Variants in PCDH15 observed in about 807,000 individuals in gnomAD.
PCDH15 encodes protocadherin related 15.
In PCDH15, 129 loss-of-function variants were observed where a neutral mutation model predicts 178.5. The ratio of observed to expected loss-of-function variants is 0.72; its 90% CI spans 0.63 to 0.84. The LOEUF (loss-of-function observed/expected upper bound fraction) is 0.84. Among genes scored for constraint, PCDH15 ranks in the 40% least tolerant of loss-of-function variants. PCDH15 has a pLI of 0.00. For missense variants in PCDH15, 2,230 were observed against 2,099.9 expected, an observed-to-expected ratio of 1.06 and a Z score of -1.21; for synonymous variants, 800 against 732.0, an observed-to-expected ratio of 1.09 and a Z score of -1.50.
intron 2 of PCDH15, among the ~76,000 whole-genome samples, chr10:54,984,097 G>A (rs568921114): frequency 6.6e-6 from 1 of 152,188 alleles, no homozygotes; most frequent in East Asian, 1.9e-4. Context: ...TGAAGGGACT[G>A]TCAGGGCTCA....
At chr10:54,036,772 T>C (rs1393420647) in intron 18 of PCDH15, among the ~76,000 whole-genome samples, 1 of 151,930 alleles carries the variant, frequency 6.6e-6, no homozygotes, top group Non-Finnish European at 1.5e-5. Flanking sequence ...ATAAATTTCA[T>C]AAGATTATAG....
At chr10:55,427,639 TGTGTTTACAAATGG>T (rs1838789120) in intron 2 of PCDH15, among the ~76,000 whole-genome samples, 1 of 152,178 alleles carries the variant, frequency 6.6e-6, no homozygotes, top group East Asian at 1.9e-4. Context: ...TGGTGGAAAA[TGTGTTTACAAATGG>T]GTTCATATAC....
At chr10:54,165,225 C>G (rs921861830) in intron 13 of PCDH15, among the ~76,000 whole-genome samples, 2 of 152,070 alleles carry the variant, frequency 1.3e-5, no homozygotes, top group African/African-American at 4.8e-5. Context: ...TCCCCCTTCT[C>G]TTACGCATAT....
At chr10:53,969,896 T>G (rs572498259) in intron 21 of PCDH15, among the ~76,000 whole-genome samples, 3 of 152,252 alleles carry the variant, frequency 2.0e-5, no homozygotes, top group Admixed American at 2.0e-4. Context: ...TACCAGCCAC[T>G]GCAAAAACAT....
At chr10:54,816,452 G>C (rs1391684026) in intron 3 of PCDH15, among the ~76,000 whole-genome samples, 4 of 152,020 alleles carry the variant, frequency 2.6e-5, no homozygotes, top group Admixed American at 2.0e-4. Flanking sequence ...CTATTTCATA[G>C]CACAAGAAAG....
At chr10:54,189,871 T>A (rs2133859099) in intron 11 of PCDH15, among the ~76,000 whole-genome samples, 1 of 151,762 alleles carries the variant, frequency 6.6e-6, no homozygotes, top group South Asian at 2.1e-4. Flanking sequence ...ACAAGTACTC[T>A]AAAAGGCATA....
intron 18 of PCDH15, among the ~76,000 whole-genome samples, chr10:54,024,787 G>A (rs2093032367): frequency 6.6e-6 from 1 of 151,954 alleles, no homozygotes; most frequent in African/African-American, 2.4e-5. Flanking sequence ...ACGAATTATT[G>A]ACAAATCAGT....
chr10:54,267,128 G>A (rs2384433), intron 8 of PCDH15, among the ~76,000 whole-genome samples: 106,716 of 151,608 alleles, frequency 0.7, 38,443 homozygotes, highest in Middle Eastern at 0.77. Context: ...TTCAATATAT[G>A]CAAATCAATT....
At chr10:54,047,936 A>G (rs1301786283) in intron 18 of PCDH15, among the ~76,000 whole-genome samples, 2 of 152,158 alleles carry the variant, frequency 1.3e-5, no homozygotes, top group African/African-American at 4.8e-5. Flanking sequence ...ATACCCAGCT[A>G]TAAGAATGTT....
intron 2 of PCDH15, among the ~76,000 whole-genome samples, chr10:55,614,719 T>A (rs1433535715): frequency 2.0e-5 from 3 of 152,164 alleles, no homozygotes; most frequent in African/African-American, 4.8e-5. Flanking sequence ...TTGGGTATGA[T>A]CAACTTCAAA....
At chr10:55,227,164 T>C (rs1323704491) in intron 1 of PCDH15, among the ~76,000 whole-genome samples, 1 of 151,896 alleles carries the variant, frequency 6.6e-6, no homozygotes, top group Non-Finnish European at 1.5e-5. Context: ...AGAGCAGACA[T>C]TAAAAATTCC....
chr10:54,921,063 C>T (rs1837474235), intron 2 of PCDH15, among the ~76,000 whole-genome samples: 1 of 152,082 alleles, frequency 6.6e-6, no homozygotes, highest in Non-Finnish European at 1.5e-5. Flanking sequence ...GTATTATAAA[C>T]TTTATTAGAA....
At chr10:55,424,390 T>C (rs889792589) in intron 2 of PCDH15, among the ~76,000 whole-genome samples, 4 of 152,172 alleles carry the variant, frequency 2.6e-5, no homozygotes, top group Non-Finnish European at 5.9e-5. Context: ...TGGCTAGTAG[T>C]GCCCTTAGAC....
At position 54,973,214 on chromosome 10, in the gene PCDH15, C is replaced by T. The variant is rs115235201; in HGVS notation, c.-79-75714G>A. On this transcript the variant is annotated intron_variant, in intron 2 of 5. Transcript: ENST00000458638. ...CATTGTGAATAATTCTTTACAAACA[C>T]ACATATTTAGAGAAGAAGTTGCTAT... 2.1e-3 allele frequency among the ~76,000 whole-genome samples: 323 copies of T among 152,124 alleles called. 1 individual carries two copies. The highest frequency in any genetic ancestry group is 7.4e-3 in the African/African-American group (306 of 41,504).
chr10:54,262,588 A>G (rs1257658186), intron 8 of PCDH15, among the ~76,000 whole-genome samples: 1 of 152,176 alleles, frequency 6.6e-6, no homozygotes, highest in Non-Finnish European at 1.5e-5. Context: ...CCGTGAGCCC[A>G]GTCCCAACTC....
chr10:55,071,621 G>A (rs2132013895), intron 2 of PCDH15, among the ~76,000 whole-genome samples: 1 of 152,166 alleles, frequency 6.6e-6, no homozygotes, highest in Non-Finnish European at 1.5e-5. Flanking sequence ...CCAACAAAGA[G>A]ACTTAGACTC....
intron 25 of PCDH15, among the ~76,000 whole-genome samples, chr10:53,913,202 A>G (rs543178239): frequency 3.1e-4 from 47 of 152,324 alleles, no homozygotes; most frequent in Non-Finnish European, 2.8e-4. Flanking sequence ...AGGATTCCCT[A>G]TTTAATGAAT....
intron 20 of PCDH15, among the ~76,000 whole-genome samples, chr10:54,018,264 G>T (rs2092805946): frequency 6.6e-6 from 1 of 152,066 alleles, no homozygotes; most frequent in Admixed American, 6.6e-5. Context: ...CTTTGCTATT[G>T]TAGTACTGGC....
chr10:55,165,390 G>A (rs1224136725), intron 2 of PCDH15, among the ~76,000 whole-genome samples: 2 of 151,830 alleles, frequency 1.3e-5, no homozygotes, highest in African/African-American at 4.8e-5. Context: ...TAGGTACGCA[G>A]AGAAGGACCT....
Sources: allele counts gnomAD v4.1 joint callset (sites outside exome capture counted in the v4.1 genomes callset), GRCh38; gene constraint gnomAD v4.1.1; transcripts MANE v1.5; gene names NCBI Gene and HGNC (gene_info 2026-07-23, HGNC 2026-07-21).